The following TMEM168 variants were observed in gnomAD, a reference collection of about 807,000 sequenced individuals.
TMEM168 encodes the protein transmembrane protein 168.
In TMEM168, 40 loss-of-function variants were observed where a neutral mutation model predicts 53.2. That is an observed-to-expected ratio of 0.75 (90% CI 0.58 to 0.98). TMEM168 has a LOEUF of 0.98. TMEM168 is among the 50% of genes least tolerant of loss of function. The probability of loss-of-function intolerance (pLI) is 0.00; values close to 1 mark genes in which losing one functional copy is unlikely to be tolerated. For missense variants in TMEM168, 771 were observed against 828.8 expected, an observed-to-expected ratio of 0.93 and a Z score of 0.86; for synonymous variants, 282 against 293.0, an observed-to-expected ratio of 0.96 and a Z score of 0.38.
Position 112,766,017 on chromosome 7 carries a change from G to A in TMEM168, c.*1180C>T, listed in dbSNP as rs559504789. 4.6e-5 allele frequency: 7 copies of A among 152,670 alleles called. No homozygotes were observed. In the East Asian group the frequency reaches 1.2e-3, roughly 25 times the overall value. 9.5% of individuals were successfully genotyped at this position (152,670 alleles called of 1,614,324 possible). A position where few individuals can be genotyped will look rare whatever the true frequency, so the allele number is the denominator to read the frequency against. ...ATTTAATTCTATTCCCTTCTTGTTT[G>A]TTATTTCTCATAGATGAAAATTTAG... On this transcript the variant is annotated 3_prime_UTR_variant, in exon 5 of 5. Transcript: ENST00000312814.
At chr7:112,775,580 A>G (rs1326326622) in intron 2 of TMEM168, among the ~76,000 whole-genome samples, 1 of 151,506 alleles carries the variant, frequency 6.6e-6, no homozygotes, top group African/African-American at 2.4e-5. Context: ...GAATTGTCAA[A>G]TAACATCCTA....
chr7:112,774,124 G>A (rs1793005453), intron 3 of TMEM168, among the ~76,000 whole-genome samples: 1 of 152,132 alleles, frequency 6.6e-6, no homozygotes, highest in South Asian at 2.1e-4. Flanking sequence ...CAGGGAAAGT[G>A]TGATGAAAAC....
Position 112,772,765 on chromosome 7 carries a change from C to A in TMEM168, c.1546+16G>T. 1 of 1,605,648 alleles carries A rather than the reference C, an allele frequency of 6.2e-7. No homozygotes were observed. The highest frequency in any genetic ancestry group is 8.5e-7 in the Non-Finnish European group (1 of 1,173,970). Reference sequence around the variant, plus strand: ...GTGTATCTTTACAATAGTGAAACTGCCAAAGGTGAGTTTACCTGCTAGAGC... The same window carrying A: ...GTGTATCTTTACAATAGTGAAACTGACAAAGGTGAGTTTACCTGCTAGAGC... On this transcript the variant is annotated intron_variant, in intron 4 of 4. Coordinates refer to ENST00000312814, the MANE Select transcript of TMEM168 (RefSeq NM_022484.6).
chr7:112,766,814 A>C lies in TMEM168; in HGVS notation c.*383T>G, dbSNP rs750394201. On this transcript the variant is annotated 3_prime_UTR_variant, in exon 5 of 5. Coordinates refer to ENST00000312814, the MANE Select transcript of TMEM168 (RefSeq NM_022484.6). ...GGTAGTTTTCTTAAAACAGTAAACA[A>C]ATTTATCTGGTCTACATTCTCTAAA... is the stretch of plus-strand genomic sequence containing the variant. The C allele has an allele frequency of 4.4e-4, 71 of 160,726 alleles. No individual in the cohort carries two copies. The highest frequency in any genetic ancestry group is 4.6e-4 in the Non-Finnish European group (34 of 73,766). 10.0% of individuals were successfully genotyped at this position (160,726 alleles called of 1,614,324 possible).
chr7:112,782,730 A>G lies in TMEM168; in HGVS notation c.1128+968T>C, dbSNP rs1397789755. On this transcript the variant is annotated intron_variant, in intron 2 of 4. Coordinates refer to ENST00000312814, the MANE Select transcript of TMEM168 (RefSeq NM_022484.6). ...CTTCTAGAAATCACTCAGCAGCAAC[A>G]AACTGTTACAAAGCAGAGAGCTGCA... Among the ~76,000 whole-genome samples, 6 of 152,294 alleles carry G rather than the reference A, an allele frequency of 3.9e-5. No individual in the cohort carries two copies. In the East Asian group the frequency reaches 1.2e-3, roughly 29 times the overall value.
intron 1 of TMEM168, among the ~76,000 whole-genome samples, chr7:112,789,652 C>T (rs1314391102): frequency 1.3e-5 from 2 of 152,202 alleles, no homozygotes; most frequent in Non-Finnish European, 2.9e-5. Context: ...TGAGGCATAC[C>T]GTATCACTTG....
chr7:112,780,336 C>A (rs933410254), intron 2 of TMEM168, among the ~76,000 whole-genome samples: 4 of 152,104 alleles, frequency 2.6e-5, no homozygotes, highest in African/African-American at 9.7e-5. Context: ...CCCAGCAATC[C>A]CACATCACAC....
rs1285217711 is a variant in TMEM168, at chr7:112,790,381, C to G, written c.-350G>C. 6.6e-6 allele frequency: 1 copy of G among 152,308 alleles called. No homozygotes were observed. The highest frequency in any genetic ancestry group is 1.5e-5 in the Non-Finnish European group (1 of 68,094). The allele number at this position is 152,308 out of a possible 1,614,324, so 9.4% of individuals were successfully genotyped here. On this transcript the variant is annotated 5_prime_UTR_variant, in exon 1 of 5. Transcript: ENST00000312814. ...CCGGCCGCGACCGCCATGTTTCCGC[C>G]GCCGAAATCCGCGACGGTACGGAAC...
chr7:112,776,810 CTTACA>C (rs1433515629), intron 2 of TMEM168, among the ~76,000 whole-genome samples: 1 of 151,306 alleles, frequency 6.6e-6, no homozygotes, highest in Non-Finnish European at 1.5e-5. Flanking sequence ...TTAATTTAAG[CTTACA>C]TTACTCTAAA....
At chr7:112,776,061 A>G (rs1465104551) in intron 2 of TMEM168, among the ~76,000 whole-genome samples, 1 of 151,740 alleles carries the variant, frequency 6.6e-6, no homozygotes, top group Non-Finnish European at 1.5e-5. Flanking sequence ...TACCTTTAGA[A>G]TATTAAACTA....
In TMEM168 at chr7:112,763,857, A is replaced by AT. The variant is rs986594296; in HGVS notation, c.*3339dup. On this transcript the variant is annotated 3_prime_UTR_variant, in exon 5 of 5. Transcript: ENST00000312814. ...TAAGTGCATTTTAATTAAGACTTTA[A>AT]TTTTTTTAAAGCATAACTGGTCATA... The AT allele has an allele frequency of 6.6e-6, 1 of 152,026 alleles. No homozygotes were observed. Among genetic ancestry groups the AT allele is most frequent in the African/African-American group, 2.4e-5 (1 of 41,408 alleles). 9.4% of individuals were successfully genotyped at this position (152,026 alleles called of 1,614,324 possible). A position where few individuals can be genotyped will look rare whatever the true frequency, so the allele number is the denominator to read the frequency against.
intron 2 of TMEM168, 122 bp from the exon 3 acceptor site, chr7:112,775,440 T>C (rs1793053081): frequency 2.3e-6 from 2 of 865,916 alleles, no homozygotes; most frequent in Non-Finnish European, 1.7e-6. Flanking sequence ...GAACAATTAA[T>C]GATCTAAAAA....
intron 2 of TMEM168, among the ~76,000 whole-genome samples, chr7:112,780,983 A>T (rs894255410): frequency 9.9e-5 from 15 of 151,252 alleles, no homozygotes; most frequent in Non-Finnish European, 1.8e-4. Flanking sequence ...ACAGATAGTT[A>T]ATATTTTGTT....
chr7:112,784,552 A>C lies in TMEM168; in HGVS notation c.274T>G (p.Leu92Val). 6.2e-7 allele frequency: 1 copy of C among 1,614,170 alleles called. No individual in the cohort carries two copies. Among genetic ancestry groups the C allele is most frequent in the Non-Finnish European group, 8.5e-7 (1 of 1,180,024 alleles). Residue 92 changes from leucine to valine, a missense_variant, in exon 2 of 5, where the codon TTA becomes GTA. Coordinates refer to ENST00000312814, the MANE Select transcript of TMEM168 (RefSeq NM_022484.6). ...CCAAACCAAAGATTGGAGAGACTTA[A>C]ACTTGCTGCTTCCATTGAAAAATAG... ...YYYFSMEAAS[L>V]SLSNLWFGFL...
intron 2 of TMEM168, among the ~76,000 whole-genome samples, chr7:112,780,236 A>G (rs1244214436): frequency 6.6e-6 from 1 of 152,230 alleles, no homozygotes; most frequent in East Asian, 1.9e-4. Flanking sequence ...TGGAATATAT[A>G]CAGAGATAAT....
rs912261681 is a variant in TMEM168 at position 112,763,031 on chromosome 7, T to C, written c.*4166A>G. Reference sequence around the variant, plus strand: ...TTCATCAGTCAGACTTTTAATAATTTCCATTTCTGGTAAATTTCCAATCTG... The same window carrying C: ...TTCATCAGTCAGACTTTTAATAATTCCCATTTCTGGTAAATTTCCAATCTG... On this transcript the variant is annotated 3_prime_UTR_variant, in exon 5 of 5. Transcript: ENST00000312814. The C allele has an allele frequency of 6.6e-6, 1 of 152,082 alleles. No individual in the cohort carries two copies. The highest frequency in any genetic ancestry group is 2.4e-5 in the African/African-American group (1 of 41,442). 9.4% of individuals were successfully genotyped at this position (152,082 alleles called of 1,614,324 possible). A position where few individuals can be genotyped will look rare whatever the true frequency, so the allele number is the denominator to read the frequency against.
At position 112,767,634 on chromosome 7, in the gene TMEM168, C is replaced by T; in HGVS notation, c.1657G>A (p.Val553Met). The T allele has an allele frequency of 6.2e-7, 1 of 1,614,054 alleles. No individual in the cohort carries two copies. Among genetic ancestry groups the T allele is most frequent in the Middle Eastern group, 1.6e-4 (1 of 6,062 alleles). The change falls in exon 5 of 5, where the codon GTG (valine) becomes ATG (methionine). Residue 553 changes from valine (V) to methionine (M), a missense_variant. Physicochemically the swap from Val to Met is conservative, Grantham distance 21. Transcript: ENST00000312814. ...TCATTAATTTTCCTCACTTCTTTCA[C>T]CCAAGGGGTTGAATTTTCGCTGTCT... Reference protein sequence around the residue: ...VLDSENSTPWVKEVRKINDQY... With the variant: ...VLDSENSTPWMKEVRKINDQY...
intron 1 of TMEM168, among the ~76,000 whole-genome samples, chr7:112,785,259 A>T (rs1793347148): frequency 6.6e-6 from 1 of 152,240 alleles, no homozygotes; most frequent in Admixed American, 6.5e-5. Context: ...ACAACAAGGA[A>T]AGGTGAAATG....
Position 112,766,683 on chromosome 7 carries a change from ATTTTAGGCTGCCCTCTT to A in TMEM168, c.*497_*513del, listed in dbSNP as rs1177589167. Reference sequence around the variant, plus strand: ...TGGAGTATAAGCAAATTTTGCGTTTATTTTAGGCTGCCCTCTTTCTTTTCTAAGAGAAAGAGTTTGCA... The same window carrying A: ...TGGAGTATAAGCAAATTTTGCGTTTATCTTTTCTAAGAGAAAGAGTTTGCA... On this transcript the variant is annotated 3_prime_UTR_variant, in exon 5 of 5. Transcript: ENST00000312814. 6.5e-6 allele frequency: 1 copy of A among 153,042 alleles called. No homozygotes were observed. The highest frequency in any genetic ancestry group is 1.5e-5 in the Non-Finnish European group (1 of 68,412). The allele number at this position is 153,042 out of a possible 1,614,324, so 9.5% of individuals were successfully genotyped here.
Sources: allele counts gnomAD v4.1 joint callset (sites outside exome capture counted in the v4.1 genomes callset), GRCh38; gene constraint gnomAD v4.1.1; transcripts MANE v1.5; gene names NCBI Gene and HGNC (gene_info 2026-07-23, HGNC 2026-07-21).